FMN1: variants seen among roughly 807,000 people sequenced by gnomAD.
FMN1 encodes the protein formin 1, also known as formin-1.
FMN1 carries 110 observed loss-of-function variants against 132.4 expected under a neutral mutation model. The observed-to-expected ratio is 0.83, with a 90% CI of 0.71 to 0.97. FMN1 has a LOEUF of 0.97. Ranked by LOEUF, FMN1 falls within the 50% of genes least tolerant of loss-of-function variation. FMN1 has a pLI of 0.00. For synonymous variants in FMN1, 722 were observed against 651.7 expected (o/e 1.11, Z -1.64); for missense variants, 1,792 against 1,705.3 (o/e 1.05, Z -0.90).
chr15:32,855,173 A>G (rs917111765), intron 17 of FMN1, among the ~76,000 whole-genome samples: 33 of 151,054 alleles, frequency 2.2e-4, no homozygotes, highest in Non-Finnish European at 3.5e-4. Context: ...AAAAAAAAAA[A>G]AAAAAAAAAG....
At chr15:32,973,246 A>G (rs2031931934) in intron 7 of FMN1, among the ~76,000 whole-genome samples, 1 of 152,194 alleles carries the variant, frequency 6.6e-6, no homozygotes, top group Non-Finnish European at 1.5e-5. Flanking sequence ...TTTTCTGACC[A>G]ACTTCTCCAC....
chr15:33,151,425 C>T, intron 4 of FMN1: 1 of 1,528,978 alleles, frequency 6.5e-7, no homozygotes, highest in Non-Finnish European at 8.8e-7. Flanking sequence ...ACGGAGAGGC[C>T]AAAGGAACAT....
At chr15:33,192,188 C>T (rs747936374) in intron 2 of FMN1, among the ~76,000 whole-genome samples, 2 of 152,138 alleles carry the variant, frequency 1.3e-5, no homozygotes, top group Non-Finnish European at 2.9e-5. Context: ...AAAACTTTAA[C>T]GTAAAACTAG....
intron 9 of FMN1, among the ~76,000 whole-genome samples, chr15:32,928,808 G>GT (rs1378811476): frequency 1.3e-5 from 2 of 152,202 alleles, no homozygotes; most frequent in Non-Finnish European, 2.9e-5. Context: ...AAGCTATCCA[G>GT]TTAGGGCTCT....
chr15:33,014,252 A>G (rs2034906100), intron 6 of FMN1, among the ~76,000 whole-genome samples: 1 of 152,226 alleles, frequency 6.6e-6, no homozygotes, highest in African/African-American at 2.4e-5. Flanking sequence ...TGCTTTCCAA[A>G]TGTGTCTTGT....
intron 16 of FMN1, among the ~76,000 whole-genome samples, chr15:32,868,946 TG>T (rs1242420518): frequency 1.3e-5 from 2 of 152,200 alleles, no homozygotes; most frequent in Admixed American, 6.5e-5. Flanking sequence ...TAGTGTGGTG[TG>T]ATGGAACGCT....
chr15:33,032,587 C>T (rs561137213), intron 6 of FMN1, among the ~76,000 whole-genome samples: 3 of 152,282 alleles, frequency 2.0e-5, no homozygotes, highest in African/African-American at 7.2e-5. Flanking sequence ...TAAGTCAAAC[C>T]ATCATATGTA....
intron 19 of FMN1, among the ~76,000 whole-genome samples, chr15:32,798,253 C>T (rs915886648): frequency 1.2e-4 from 18 of 151,686 alleles, no homozygotes; most frequent in African/African-American, 4.4e-4. Context: ...TTTCTTCTAC[C>T]CCCAGCTAAT....
In FMN1 at chr15:32,968,759, G is replaced by A. The variant is rs368778182; in HGVS notation, c.2942C>T (p.Pro981Leu). The change falls in exon 8 of 21, where the codon CCC becomes CTC. Residue 981 changes from proline to leucine, a missense_variant. By Grantham distance (98) the Pro-to-Leu change is moderately conservative. Around this residue, in one of 3 missense-constraint regions of FMN1, gnomAD observed 1,150 missense variants for 1,043.1 expected, o/e 1.10. Transcript: ENST00000616417. ...CCTAGTCCAATATAAAGGCTTCATG[G>A]GACAACTGGGCTCGATGGCTGGTTT... is the stretch of plus-strand genomic sequence containing the variant. Reference protein sequence around the residue: ...PRKPAIEPSCPMKPLYWTRIQ... With the variant: ...PRKPAIEPSCLMKPLYWTRIQ... 1 of 1,613,356 alleles carries A rather than the reference G, an allele frequency of 6.2e-7. No homozygotes were observed. Among genetic ancestry groups the A allele is most frequent in the South Asian group, 1.1e-5 (1 of 91,002 alleles).
At chr15:32,804,537 A>G (rs1041244741) in intron 17 of FMN1, among the ~76,000 whole-genome samples, 2 of 145,966 alleles carry the variant, frequency 1.4e-5, no homozygotes, top group Non-Finnish European at 3.0e-5. Context: ...AAATTATACT[A>G]AGTTCTAGGG....
At chr15:32,779,746 A>C (rs1469155217) in intron 19 of FMN1, among the ~76,000 whole-genome samples, 2 of 152,266 alleles carry the variant, frequency 1.3e-5, no homozygotes, top group Non-Finnish European at 2.9e-5. Context: ...AATTAAACTT[A>C]ATTTTCACAA....
intron 4 of FMN1, among the ~76,000 whole-genome samples, chr15:33,128,178 CA>C (rs1410511289): frequency 8.2e-6 from 1 of 122,084 alleles, no homozygotes; most frequent in Admixed American, 7.1e-5. Flanking sequence ...ATAAAGCAAG[CA>C]AACAAATTGC....
At chr15:33,066,917 A>C in intron 5 of FMN1, 5 of 1,613,968 alleles carry the variant, frequency 3.1e-6, no homozygotes, top group Non-Finnish European at 4.2e-6. Flanking sequence ...CACTGTCTGC[A>C]GCCCTGCCTG....
At chr15:32,981,401 C>T (rs997354968) in intron 7 of FMN1, among the ~76,000 whole-genome samples, 1 of 151,534 alleles carries the variant, frequency 6.6e-6, no homozygotes, top group Admixed American at 6.6e-5. Context: ...ACTTGTAGTC[C>T]CAGCTACTCG....
At chr15:33,053,769 C>G (rs2037088702) in intron 6 of FMN1, among the ~76,000 whole-genome samples, 1 of 152,140 alleles carries the variant, frequency 6.6e-6, no homozygotes, top group Non-Finnish European at 1.5e-5. Context: ...AGAAGGGTCT[C>G]CAGTAAAGGG....
intron 6 of FMN1, among the ~76,000 whole-genome samples, chr15:33,026,590 A>G (rs1019740162): frequency 2.6e-5 from 4 of 152,242 alleles, no homozygotes; most frequent in African/African-American, 9.6e-5. Context: ...TCATGATTAT[A>G]TAATGCATAT....
intron 9 of FMN1, among the ~76,000 whole-genome samples, chr15:32,942,161 T>C (rs1477665048): frequency 1.3e-5 from 2 of 152,226 alleles, no homozygotes; most frequent in African/African-American, 4.8e-5. Flanking sequence ...ACTCTCCCAA[T>C]GCCTTCCAGA....
rs1477565788 is a variant in FMN1, at chr15:33,128,837, C to CAT, written c.1867+24210_1867+24211insAT. ...GCAAAATAACAAAGCCTCCGCAATGCGGAAGACAACCGGAGCAGACTGCAG... is the reference window on the plus strand; with the variant it reads ...GCAAAATAACAAAGCCTCCGCAATGCATGGAAGACAACCGGAGCAGACTGCAG... On this transcript the variant is annotated intron_variant, in intron 4 of 20. Transcript: ENST00000616417. Among the ~76,000 whole-genome samples the CAT allele has an allele frequency of 2.8e-3, 433 of 152,328 alleles. 4 individuals are homozygous for CAT. Among genetic ancestry groups the CAT allele is most frequent in the African/African-American group, 0.01 (417 of 41,582 alleles).
At chr15:32,800,353 T>C (rs2057436354) in intron 18 of FMN1, among the ~76,000 whole-genome samples, 1 of 152,210 alleles carries the variant, frequency 6.6e-6, no homozygotes, top group Admixed American at 6.5e-5. Context: ...CTTAAGGGAC[T>C]CTATTATAAT....
Sources: gnomAD v4.1 joint callset for allele counts (sites outside exome capture counted in the v4.1 genomes callset) on GRCh38, gnomAD v4.1.1 for gene constraint, gnomAD v4.1.1 regional missense constraint, MANE v1.5 for transcripts, NCBI Gene and HGNC (gene_info 2026-07-23, HGNC 2026-07-21) for gene names.